Variants in SLC49A4 observed in about 807,000 individuals in gnomAD.
SLC49A4 encodes disrupted in renal cancer protein 2.
Under a neutral mutation model 50.6 loss-of-function variants are expected in SLC49A4, and 36 were observed. The observed-to-expected ratio is 0.71, with a 90% CI of 0.55 to 0.94. The LOEUF (loss-of-function observed/expected upper bound fraction) is 0.94, where lower values mean the gene tolerates loss of function less well. SLC49A4 is among the 40% of genes least tolerant of loss of function. SLC49A4 has a pLI of 0.00. For synonymous variants in SLC49A4, 248 were observed against 241.2 expected (o/e 1.03, Z -0.26); for missense variants, 503 against 605.7 (o/e 0.83, Z 1.78).
At chr3:122,859,995 AGTT>A (rs1937037739) in intron 6 of SLC49A4, 77 bp from the exon 7 acceptor site, 2 of 1,167,356 alleles carry the variant, frequency 1.7e-6, no homozygotes, top group Non-Finnish European at 2.3e-6. Context: ...TTCCTCAAGT[AGTT>A]GTTAGTGAAA....
At chr3:122,844,885 A>G (rs1314736587) in intron 4 of SLC49A4, among the ~76,000 whole-genome samples, 1 of 152,042 alleles carries the variant, frequency 6.6e-6, no homozygotes, top group Non-Finnish European at 1.5e-5. Context: ...ATATATATAT[A>G]TATACCTGTA....
At chr3:122,823,530 T>C (rs1936482351) in intron 2 of SLC49A4, among the ~76,000 whole-genome samples, 1 of 152,274 alleles carries the variant, frequency 6.6e-6, no homozygotes, top group Non-Finnish European at 1.5e-5. Flanking sequence ...TTTAGCTTTT[T>C]AATTTTACAT....
chr3:122,875,481 G>T (rs927193075), intron 8 of SLC49A4, among the ~76,000 whole-genome samples: 2 of 152,052 alleles, frequency 1.3e-5, no homozygotes, highest in Non-Finnish European at 2.9e-5. Flanking sequence ...CTCCCAAGTA[G>T]CTGGGACCAC....
At chr3:122,859,515 G>A (rs1405648366) in intron 6 of SLC49A4, among the ~76,000 whole-genome samples, 1 of 152,144 alleles carries the variant, frequency 6.6e-6, no homozygotes, top group African/African-American at 2.4e-5. Context: ...TGTTTGGAAA[G>A]TATAGAAAAA....
chr3:122,864,846 C>G (rs1937095587), intron 7 of SLC49A4, among the ~76,000 whole-genome samples: 1 of 151,934 alleles, frequency 6.6e-6, no homozygotes, highest in African/African-American at 2.4e-5. Context: ...GGGCCATGTC[C>G]CTACAAAAAA....
At chr3:122,822,337 T>A (rs994375634) in intron 2 of SLC49A4, among the ~76,000 whole-genome samples, 7 of 152,238 alleles carry the variant, frequency 4.6e-5, no homozygotes, top group Non-Finnish European at 1.0e-4. Flanking sequence ...TATCTTTTAA[T>A]GTGTGAAAGT....
intron 2 of SLC49A4, among the ~76,000 whole-genome samples, chr3:122,821,511 G>A (rs909464671): frequency 7.2e-5 from 11 of 152,210 alleles, no homozygotes; most frequent in African/African-American, 2.7e-4. Flanking sequence ...CTCACAGCTT[G>A]ACCTGCAGAG....
At position 122,845,428 on chromosome 3, in the gene SLC49A4, C is replaced by G. The variant is rs565358886; in HGVS notation, c.834-335C>G. Reference sequence around the variant, plus strand: ...TGTGAATAGTGCTGCAGTGAATACACTCGTGCATGTGTTTTTATAGTGGAG... The same window carrying G: ...TGTGAATAGTGCTGCAGTGAATACAGTCGTGCATGTGTTTTTATAGTGGAG... On this transcript the variant is annotated intron_variant, in intron 4 of 8. Transcript: ENST00000261038. 2.0e-5 allele frequency among the ~76,000 whole-genome samples: 3 copies of G among 152,224 alleles called. No individual in the cohort carries two copies. In the East Asian group the frequency reaches 5.8e-4, roughly 29 times the overall value.
chr3:122,817,007 C>T (rs1274031938), intron 2 of SLC49A4, among the ~76,000 whole-genome samples: 1 of 152,122 alleles, frequency 6.6e-6, no homozygotes, highest in Non-Finnish European at 1.5e-5. Context: ...TCATCTCTAC[C>T]ACAGGCAAAT....
At chr3:122,795,901 G>A (rs1936029768) in intron 1 of SLC49A4, among the ~76,000 whole-genome samples, 1 of 152,154 alleles carries the variant, frequency 6.6e-6, no homozygotes. Context: ...AAGGGATATG[G>A]GGATGTTGAG....
At chr3:122,833,492 AG>A (rs745623600) in intron 4 of SLC49A4, 46 bp downstream of exon 4, 1 of 1,524,742 alleles carries the variant, frequency 6.6e-7, no homozygotes, top group African/African-American at 1.4e-5. Context: ...GACACCTTCA[AG>A]GTAACTTCAG....
chr3:122,869,623 T>C, intron 7 of SLC49A4, among the ~76,000 whole-genome samples: 1 of 152,314 alleles, frequency 6.6e-6, no homozygotes, highest in Middle Eastern at 3.4e-3. Flanking sequence ...ATTATTTATT[T>C]TGATAGACAT....
Position 122,795,230 on chromosome 3 carries a change from CGCTGCTGGGGCCCGG to C in SLC49A4, c.42_56del (p.Leu15_Leu19del). 7.5e-7 allele frequency: 1 copy of C among 1,337,692 alleles called. No individual in the cohort carries two copies. The highest frequency in any genetic ancestry group is 3.1e-5 in the East Asian group (1 of 32,154). The allele number at this position is 1,337,692 out of a possible 1,614,324, so 82.9% of individuals were successfully genotyped here. On this transcript the variant is annotated inframe_deletion, in exon 1 of 9. Coordinates refer to ENST00000261038, the MANE Select transcript of SLC49A4 (RefSeq NM_032839.3). ...TGGAGCAGCGAAGAGGAGAGGCAGC[CGCTGCTGGGGCCCGG>C]GCTCGGGCCTGGGCTGGGGGCCTCC...
In SLC49A4 at chr3:122,827,056, T is replaced by C. The variant is rs77333747; in HGVS notation, c.694T>C (p.Leu232=). 1.3e-5 allele frequency: 21 copies of C among 1,601,334 alleles called. No homozygotes were observed. The highest frequency in any genetic ancestry group is 1.7e-5 in the Non-Finnish European group (20 of 1,169,768). ...TATTAAAGATCGCATAGAGGCTGTG[T>C]TATATGCAGGTAATTTGAAGTTTAT... The part of the protein sequence containing the change: ...AHIKDRIEAV[L]YAEFGVVCLI... The change falls in exon 3 of 9, where the codon TTA becomes CTA. Residue 232 remains leucine (L), a synonymous_variant. Transcript: ENST00000261038.
At chr3:122,816,010 T>C (rs1030386657) in intron 2 of SLC49A4, among the ~76,000 whole-genome samples, 2 of 152,186 alleles carry the variant, frequency 1.3e-5, no homozygotes, top group Non-Finnish European at 2.9e-5. Context: ...GCCAAAATAT[T>C]TCTCCTTCTG....
At chr3:122,823,282 A>G (rs748795440) in intron 2 of SLC49A4, among the ~76,000 whole-genome samples, 8 of 152,202 alleles carry the variant, frequency 5.3e-5, no homozygotes, top group African/African-American at 1.7e-4. Flanking sequence ...TTTGGAGGGG[A>G]TAGTTGGAGC....
chr3:122,836,531 C>T lies in SLC49A4; in HGVS notation c.833+3085C>T, dbSNP rs571745285. On this transcript the variant is annotated intron_variant, in intron 4 of 8. Transcript: ENST00000261038. The stretch of plus-strand genomic sequence containing the variant: ...TCATAAAATGAGTTAGGGAGGATTC[C>T]CTCTTTTTCTATTGATTGGAATAGT... Among the ~76,000 whole-genome samples, 1,232 of 152,146 alleles carry T rather than the reference C, an allele frequency of 8.1e-3. 9 individuals are homozygous for T. Among genetic ancestry groups the T allele is most frequent in the African/African-American group, 0.026 (1,081 of 41,510 alleles).
rs1358075613 is a variant in SLC49A4 at position 122,880,900 on chromosome 3, C to T, written c.*1522C>T. The T allele has an allele frequency of 1.3e-5, 2 of 152,112 alleles. No individual in the cohort carries two copies. The highest frequency in any genetic ancestry group is 6.5e-5 in the Admixed American group (1 of 15,270). 9.4% of individuals were successfully genotyped at this position (152,112 alleles called of 1,614,324 possible). ...CTCACCTCGGTCCTAGAGGAGTATC[C>T]TAGTACTGCTTGGCAACTTCTAAGA... On this transcript the variant is annotated 3_prime_UTR_variant, in exon 9 of 9. Coordinates refer to ENST00000261038, the MANE Select transcript of SLC49A4 (RefSeq NM_032839.3).
At chr3:122,800,205 G>A (rs966065926) in intron 1 of SLC49A4, among the ~76,000 whole-genome samples, 1 of 152,214 alleles carries the variant, frequency 6.6e-6, no homozygotes, top group East Asian at 1.9e-4. Context: ...GAGCTTCCCT[G>A]GAGTAGAGGA....
Sources: allele counts gnomAD v4.1 joint callset (sites outside exome capture counted in the v4.1 genomes callset), GRCh38; gene constraint gnomAD v4.1.1; transcripts MANE v1.5; gene names NCBI Gene and HGNC (gene_info 2026-07-23, HGNC 2026-07-21).